The following DEFB134 variants were observed in gnomAD, a reference collection of about 807,000 sequenced individuals.
The protein encoded by DEFB134 is beta-defensin 134.
DEFB134 carries 7 observed loss-of-function variants against 7.4 expected under a neutral mutation model. That is an observed-to-expected ratio of 0.95 (90% confidence interval 0.54 to 1.79). DEFB134 has a LOEUF of 1.79. DEFB134 is among the 40% of genes most tolerant of loss of function. The pLI, the probability that DEFB134 is intolerant of heterozygous loss-of-function variation, is 0.00. For missense variants in DEFB134, 105 were observed against 74.8 expected, an observed-to-expected ratio of 1.40 and a Z score of -1.49; for synonymous variants, 33 against 25.0, an observed-to-expected ratio of 1.32 and a Z score of -0.96.
intron 1 of DEFB134, 94 bp from the exon 3 acceptor site, chr8:11,994,216 G>A: frequency 7.1e-7 from 1 of 1,412,218 alleles, no homozygotes; most frequent in South Asian, 1.4e-5. Context: ...CGGATACCAA[G>A]GAGATTTGGT....
chr8:11,997,606 G>T (rs572241261), upstream of DEFB134, among the ~76,000 whole-genome samples: 2 of 152,230 alleles, frequency 1.3e-5, no homozygotes, highest in South Asian at 4.1e-4. Flanking sequence ...AAGCAACAAT[G>T]ATCAAAAAGG....
In DEFB134 at chr8:11,995,079, G is replaced by C. The variant is rs572348383; in HGVS notation, c.59-957C>G. 3.3e-5 allele frequency among the ~76,000 whole-genome samples: 5 copies of C among 152,308 alleles called. No homozygotes were observed. In the South Asian group the frequency reaches 1.0e-3, roughly 32 times the overall value. The stretch of plus-strand genomic sequence containing the variant: ...AACAAGAAGGGATCAGTGTTACTTA[G>C]TTTGCAAGACAGAAGCCCTAGAGGA... On this transcript the variant is annotated intron_variant, in intron 1 of 1. Transcript: ENST00000526438.
chr8:11,996,435 A>G (rs1231943417), upstream of DEFB134: 3 of 454,988 alleles, frequency 6.6e-6, no homozygotes, highest in Non-Finnish European at 1.2e-5. Context: ...TCATCTGAGG[A>G]AAAAAAATGG....
upstream of DEFB134, among the ~76,000 whole-genome samples, chr8:11,998,001 C>T (rs571893131): frequency 1.2e-4 from 19 of 152,174 alleles, no homozygotes; most frequent in East Asian, 5.8e-4. Flanking sequence ...TTAAAAAGAA[C>T]GCATGCCAGT....
At chr8:11,994,061 A>C (rs770175909) in exon 2 of DEFB134, 1 of 1,613,770 alleles carries the variant, frequency 6.2e-7, no homozygotes, top group East Asian at 2.2e-5. Flanking sequence ...CATAGCATTC[A>C]AGTCTGCAGA....
chr8:11,995,360 G>A (rs6601647), intron 1 of DEFB134, among the ~76,000 whole-genome samples: 66,915 of 152,088 alleles, frequency 0.44, 17,715 homozygotes, highest in East Asian at 0.9. Context: ...CTGAAGATGT[G>A]ATTCATTTGC....
exon 1 of DEFB134, chr8:11,996,241 A>G (rs751126122): frequency 6.2e-7 from 1 of 1,613,762 alleles, no homozygotes; most frequent in South Asian, 1.1e-5. Flanking sequence ...CACAACAAGG[A>G]GAGGCTTCAT....
chr8:11,998,583 CA>C (rs1800186911), upstream of DEFB134, among the ~76,000 whole-genome samples: 1 of 151,848 alleles, frequency 6.6e-6, no homozygotes. Context: ...ATGCCTACAC[CA>C]AAAAGTTAGA....
intron 1 of DEFB134, among the ~76,000 whole-genome samples, chr8:11,995,052 T>G (rs73542310): frequency 0.14 from 21,919 of 152,170 alleles, 3,359 homozygotes; most frequent in African/African-American, 0.39. Flanking sequence ...TTGTCCTACA[T>G]GAACAAGAAG....
chr8:11,995,373 G>T (rs1036107894), intron 1 of DEFB134, among the ~76,000 whole-genome samples: 2 of 152,140 alleles, frequency 1.3e-5, no homozygotes, highest in African/African-American at 4.8e-5. Context: ...TCATTTGCCT[G>T]GAGAATACTT....
At chr8:11,998,420 A>C (rs1327713231), upstream of DEFB134, among the ~76,000 whole-genome samples, 1 of 151,542 alleles carries the variant, frequency 6.6e-6, no homozygotes, top group African/African-American at 2.4e-5. Context: ...TGCTCCACCC[A>C]AGCCTGGGTG....
At chr8:12,000,594 C>T (rs558137641), upstream of DEFB134, among the ~76,000 whole-genome samples, 1 of 152,150 alleles carries the variant, frequency 6.6e-6, no homozygotes, top group African/African-American at 2.4e-5. Flanking sequence ...AAATTTGGCA[C>T]AGTAAGATTT....
At chr8:11,993,411 T>A (rs1800028977) in exon 2 of DEFB134, 1 of 152,214 alleles carries the variant, frequency 6.6e-6, no homozygotes, top group African/African-American at 2.4e-5. Flanking sequence ...GGGAGGTGGA[T>A]GAGAAATTAC....
intron 1 of DEFB134, among the ~76,000 whole-genome samples, chr8:11,994,662 C>T (rs531402414): frequency 6.6e-6 from 1 of 152,320 alleles, no homozygotes; most frequent in Non-Finnish European, 1.5e-5. Flanking sequence ...ATGAATATAA[C>T]CCAAACAATC....
upstream of DEFB134, chr8:11,999,010 C>T (rs77543231): frequency 4.1e-4 from 62 of 152,682 alleles, no homozygotes; most frequent in East Asian, 7.9e-3. Flanking sequence ...CTGAGCAAAC[C>T]AATAATGAGA....
At chr8:11,996,537 A>G (rs530613633), upstream of DEFB134, among the ~76,000 whole-genome samples, 2 of 152,352 alleles carry the variant, frequency 1.3e-5, no homozygotes, top group South Asian at 2.1e-4. Context: ...CCTGAGAACT[A>G]TGTGCTCTTA....
chr8:11,998,576 C>T (rs1040689948), upstream of DEFB134, among the ~76,000 whole-genome samples: 1 of 151,974 alleles, frequency 6.6e-6, no homozygotes, highest in African/African-American at 2.4e-5. Context: ...CATGAAAATG[C>T]CTACACCAAA....
chr8:11,999,470 A>T (rs576567381), upstream of DEFB134: 3 of 153,372 alleles, frequency 2.0e-5, no homozygotes, highest in African/African-American at 7.2e-5. Flanking sequence ...AAGCAAAAAT[A>T]ATGTTGCTTA....
At chr8:11,999,639 G>C (rs947815246), upstream of DEFB134, among the ~76,000 whole-genome samples, 4 of 152,090 alleles carry the variant, frequency 2.6e-5, no homozygotes, top group African/African-American at 4.8e-5. Flanking sequence ...TATCAGAACA[G>C]GACAGCCTCT....
Sources: allele counts gnomAD v4.1 joint callset (sites outside exome capture counted in the v4.1 genomes callset), GRCh38; gene constraint gnomAD v4.1.1; transcripts MANE v1.5; gene names NCBI Gene and HGNC (gene_info 2026-07-23, HGNC 2026-07-21).